The following CEP85L variants were observed in gnomAD, a reference collection of about 807,000 sequenced individuals.
CEP85L encodes the protein centrosomal protein of 85 kDa-like.
In CEP85L, 60 loss-of-function variants were observed where a neutral mutation model predicts 100.3. That is an observed-to-expected ratio of 0.60 (90% confidence interval 0.49 to 0.74). CEP85L has a LOEUF of 0.74. CEP85L is among the 30% of genes least tolerant of loss of function. CEP85L has a pLI of 0.00. For missense variants in CEP85L, 973 were observed against 936.2 expected, an observed-to-expected ratio of 1.04 and a Z score of -0.51; for synonymous variants, 319 against 322.7, an observed-to-expected ratio of 0.99 and a Z score of 0.12.
intron 2 of CEP85L, among the ~76,000 whole-genome samples, chr6:118,625,332 C>T (rs562063768): frequency 2.6e-5 from 4 of 152,274 alleles, no homozygotes; most frequent in South Asian, 2.1e-4. Context: ...CCATTTATAC[C>T]GAACAAGAGT....
rs1367916073 is a variant in CEP85L at position 118,528,972 on chromosome 6, G to A, written c.1021-5052C>T. On this transcript the variant is annotated intron_variant, in intron 3 of 12. Coordinates refer to ENST00000368491, the MANE Select transcript of CEP85L (RefSeq NM_001042475.3). ...TATTTTCATTATAATTGACAGTCTAGGTTCCAGTCTTGACAGAGCTAAAAG... is the reference window on the plus strand; with the variant it reads ...TATTTTCATTATAATTGACAGTCTAAGTTCCAGTCTTGACAGAGCTAAAAG... 2.6e-5 allele frequency among the ~76,000 whole-genome samples: 4 copies of A among 152,126 alleles called. No homozygotes were observed. In the East Asian group the frequency reaches 7.7e-4, roughly 29 times the overall value.
rs549048745 is a variant in CEP85L, at chr6:118,496,828, T to A, written c.1258-4963A>T. ...TATTCAACCTGCTCAATGAAGTCAATCTGTTGTCACTTCAAGGGAGAATGA... is the reference window on the plus strand; with the variant it reads ...TATTCAACCTGCTCAATGAAGTCAAACTGTTGTCACTTCAAGGGAGAATGA... On this transcript the variant is annotated intron_variant, in intron 5 of 12. Transcript: ENST00000368491. 5.9e-5 allele frequency among the ~76,000 whole-genome samples: 9 copies of A among 152,322 alleles called. No homozygotes were observed. In the South Asian group the frequency reaches 1.7e-3, roughly 28 times the overall value.
chr6:118,520,583 AT>A (rs1265905453), intron 4 of CEP85L, among the ~76,000 whole-genome samples: 3 of 152,168 alleles, frequency 2.0e-5, no homozygotes, highest in Non-Finnish European at 4.4e-5. Flanking sequence ...TTTGAAAAAA[AT>A]ATAATTATTG....
At chr6:118,621,400 C>G (rs921480231) in intron 2 of CEP85L, among the ~76,000 whole-genome samples, 22 of 152,196 alleles carry the variant, frequency 1.4e-4, no homozygotes, top group Non-Finnish European at 2.8e-4. Context: ...CACTGACTCC[C>G]AGTTCCTCTT....
chr6:118,531,182 A>C (rs1031126359), intron 3 of CEP85L, among the ~76,000 whole-genome samples: 2 of 152,166 alleles, frequency 1.3e-5, no homozygotes, highest in Non-Finnish European at 2.9e-5. Flanking sequence ...AACAAAATAG[A>C]GAGCTCAGAA....
chr6:118,520,827 A>C (rs1229940333), intron 4 of CEP85L, among the ~76,000 whole-genome samples: 1 of 152,184 alleles, frequency 6.6e-6, no homozygotes, highest in Non-Finnish European at 1.5e-5. Flanking sequence ...GCAAAAGGTC[A>C]AGCACTACTC....
intron 3 of CEP85L, among the ~76,000 whole-genome samples, chr6:118,540,421 T>G (rs917411489): frequency 7.2e-5 from 11 of 152,078 alleles, no homozygotes; most frequent in African/African-American, 2.7e-4. Context: ...CTTAAAAGAT[T>G]ATAGCTCAAA....
chr6:118,478,010 CG>C (rs965179117), intron 10 of CEP85L, among the ~76,000 whole-genome samples: 1 of 151,940 alleles, frequency 6.6e-6, no homozygotes, highest in African/African-American at 2.4e-5. Flanking sequence ...CCATTCTTTA[CG>C]TAAGTTGATG....
chr6:118,538,085 T>C (rs1777700044), intron 3 of CEP85L: 2 of 324,504 alleles, frequency 6.2e-6, no homozygotes, highest in Non-Finnish European at 8.9e-6. Context: ...GCACTTAATA[T>C]AAAATCTACG....
At chr6:118,512,937 C>CTATT (rs1339850205) in intron 4 of CEP85L, among the ~76,000 whole-genome samples, 1 of 152,086 alleles carries the variant, frequency 6.6e-6, no homozygotes, top group African/African-American at 2.4e-5. Flanking sequence ...TGAGCTAGAA[C>CTATT]TGACAGAGAT....
intron 2 of CEP85L, among the ~76,000 whole-genome samples, chr6:118,626,529 T>C (rs1050732844): frequency 6.6e-6 from 1 of 152,204 alleles, no homozygotes; most frequent in Admixed American, 6.5e-5. Flanking sequence ...CTAAGGCATG[T>C]CACAAAATAA....
rs113851096 is a variant in CEP85L at position 118,482,975 on chromosome 6, G to A, written c.1590+731C>T. 3.4e-3 allele frequency among the ~76,000 whole-genome samples: 517 copies of A among 152,268 alleles called. 4 individuals are homozygous for A. Among genetic ancestry groups the A allele is most frequent in the African/African-American group, 0.012 (499 of 41,556 alleles). ...TTTACATTTTGGGTTTGGGATAAACGAGAAGGAGCACTGCTATTGGCACTT... is the reference window on the plus strand; with the variant it reads ...TTTACATTTTGGGTTTGGGATAAACAAGAAGGAGCACTGCTATTGGCACTT... On this transcript the variant is annotated intron_variant, in intron 7 of 12. Transcript: ENST00000368491.
chr6:118,477,896 T>C lies in CEP85L; in HGVS notation c.1914+1975A>G, dbSNP rs181551210. ...AGGTTCTCTGGTATCCTTAATTATA[T>C]AGTGTTTTGTGTTATTTTGGATAGG... On this transcript the variant is annotated intron_variant, in intron 10 of 12. Coordinates refer to ENST00000368491, the MANE Select transcript of CEP85L (RefSeq NM_001042475.3). Among the ~76,000 whole-genome samples, 426 of 152,218 alleles carry C rather than the reference T, an allele frequency of 2.8e-3. 2 individuals are homozygous for C. The highest frequency in any genetic ancestry group is 6.8e-3 in the Middle Eastern group (2 of 294).
chr6:118,584,312 G>A (rs558344435), intron 2 of CEP85L, among the ~76,000 whole-genome samples: 1 of 152,288 alleles, frequency 6.6e-6, no homozygotes, highest in East Asian at 1.9e-4. Flanking sequence ...AGAGCATTAG[G>A]GAAGGAGGGA....
At chr6:118,506,310 G>A (rs73766531) in intron 5 of CEP85L, among the ~76,000 whole-genome samples, 2,582 of 152,182 alleles carry the variant, frequency 0.017, 70 homozygotes, top group African/African-American at 0.059. Context: ...AAATGCTGGC[G>A]GTACTTTAAT....
At chr6:118,502,706 T>A in intron 5 of CEP85L, 1 of 463,774 alleles carries the variant, frequency 2.2e-6, no homozygotes, top group South Asian at 2.3e-5. Context: ...CCCAATATGA[T>A]GTCTCTTGGA....
chr6:118,540,232 T>C (rs1457025336), intron 3 of CEP85L, among the ~76,000 whole-genome samples: 1 of 152,152 alleles, frequency 6.6e-6, no homozygotes. Context: ...ATAGTAATTA[T>C]GGCAGTGGTT....
intron 1 of CEP85L, among the ~76,000 whole-genome samples, chr6:118,670,143 T>A (rs1304212383): frequency 6.6e-6 from 1 of 151,938 alleles, no homozygotes; most frequent in Non-Finnish European, 1.5e-5. Flanking sequence ...ATGTAGCATT[T>A]CCCCACCTAC....
In CEP85L at chr6:118,573,057, C is replaced by G. The variant is rs140624476; in HGVS notation, c.233-6741G>C. Among the ~76,000 whole-genome samples the G allele has an allele frequency of 3.7e-3, 565 of 152,070 alleles. 3 individuals are homozygous for G. Among genetic ancestry groups the G allele is most frequent in the African/African-American group, 0.013 (539 of 41,468 alleles). On this transcript the variant is annotated intron_variant, in intron 2 of 12. Coordinates refer to ENST00000368491, the MANE Select transcript of CEP85L (RefSeq NM_001042475.3). Reference sequence around the variant, plus strand: ...AGCTTGGGTAACAAGAGTGATACTCCGTCTCCAAAAAAAATAATAATAATA... The same window carrying G: ...AGCTTGGGTAACAAGAGTGATACTCGGTCTCCAAAAAAAATAATAATAATA...
Sources: gnomAD v4.1 joint callset for allele counts (sites outside exome capture counted in the v4.1 genomes callset) on GRCh38, gnomAD v4.1.1 for gene constraint, MANE v1.5 for transcripts, NCBI Gene and HGNC (gene_info 2026-07-23, HGNC 2026-07-21) for gene names.